GPR89A: variants seen among roughly 807,000 people sequenced by gnomAD.
GPR89A encodes the protein golgi pH regulator A.
A neutral mutation model predicts 52.0 loss-of-function variants in GPR89A; 16 were observed. The ratio of observed to expected loss-of-function variants is 0.31; its 90% CI spans 0.21 to 0.47. The LOEUF is 0.47. Among genes scored for constraint, GPR89A ranks in the 20% least tolerant of loss-of-function variants. GPR89A has a pLI of 1.00. For synonymous variants in GPR89A, 55 were observed against 150.9 expected, an observed-to-expected ratio of 0.36 and a Z score of 4.66; for missense variants, 135 against 449.4, an observed-to-expected ratio of 0.30 and a Z score of 6.33.
chr1:145,625,205 A>G (rs1649410993), intron 5 of GPR89A, among the ~76,000 whole-genome samples: 2 of 151,884 alleles, frequency 1.3e-5, no homozygotes, highest in Non-Finnish European at 2.9e-5. Context: ...AAATAACGTT[A>G]AAGGCCGGAA....
At chr1:145,615,592 A>C (rs1164508062) in intron 1 of GPR89A, among the ~76,000 whole-genome samples, 1 of 140,086 alleles carries the variant, frequency 7.1e-6, no homozygotes, top group Non-Finnish European at 1.5e-5. Context: ...ACTTGCAATC[A>C]GGGATCATCC....
intron 1 of GPR89A, 68 bp downstream of exon 1, chr1:145,608,243 C>G: frequency 3.1e-6 from 5 of 1,598,248 alleles, no homozygotes; most frequent in Non-Finnish European, 4.3e-6. Flanking sequence ...TCCGGTCCTC[C>G]GCGGTGCGGG....
intron 7 of GPR89A, among the ~76,000 whole-genome samples, chr1:145,634,687 A>G (rs1453781549): frequency 4.7e-5 from 7 of 150,452 alleles, no homozygotes; most frequent in Non-Finnish European, 1.0e-4. Flanking sequence ...CTCATTTGTA[A>G]AATAGAGGTA....
intron 10 of GPR89A, among the ~76,000 whole-genome samples, chr1:145,662,620 C>T (rs1305591033): frequency 7.9e-5 from 12 of 152,060 alleles, no homozygotes; most frequent in Non-Finnish European, 1.2e-4. Flanking sequence ...CTAACCACTG[C>T]CTGCCTTTGG....
At chr1:145,659,294 C>T (rs1553695068) in intron 10 of GPR89A, among the ~76,000 whole-genome samples, 2 of 152,042 alleles carry the variant, frequency 1.3e-5, no homozygotes, top group Non-Finnish European at 2.9e-5. Context: ...AAGCAATTCT[C>T]CTGCCTCAGC....
At chr1:145,646,055 T>G (rs1650965411) in intron 8 of GPR89A, 129 bp from the exon 9 acceptor site, 3 of 1,433,992 alleles carry the variant, frequency 2.1e-6, no homozygotes, top group Non-Finnish European at 2.9e-6. Flanking sequence ...CTGCTGGCTA[T>G]GAAACAGGAA....
intron 1 of GPR89A, chr1:145,608,496 C>G (rs2101714236): frequency 2.8e-6 from 2 of 702,824 alleles, no homozygotes; most frequent in South Asian, 1.8e-5. Flanking sequence ...AGGAGCTCCT[C>G]GAAGCTTCCG....
At chr1:145,626,401 G>A (rs1297741490) in intron 5 of GPR89A, among the ~76,000 whole-genome samples, 8 of 151,792 alleles carry the variant, frequency 5.3e-5, no homozygotes, top group African/African-American at 1.7e-4. Flanking sequence ...AATTCTATGG[G>A]ATTACCCTGA....
chr1:145,646,937 T>G (rs1553692642), intron 9 of GPR89A: 1 of 596,652 alleles, frequency 1.7e-6, no homozygotes, highest in Non-Finnish European at 2.8e-6. Flanking sequence ...AGAACGTATC[T>G]CATAAGAATT....
chr1:145,620,948 C>G (rs1374667021), intron 3 of GPR89A, among the ~76,000 whole-genome samples: 1 of 152,210 alleles, frequency 6.6e-6, no homozygotes, highest in Non-Finnish European at 1.5e-5. Flanking sequence ...CAAAATCTTT[C>G]AGAAGCTTAG....
At chr1:145,616,122 C>T (rs1208630784) in intron 1 of GPR89A, 112 bp from the exon 2 acceptor site, 1 of 689,820 alleles carries the variant, frequency 1.4e-6, no homozygotes, top group Non-Finnish European at 2.5e-6. Flanking sequence ...TATCTTTAAT[C>T]CCTGAAATAA....
intron 7 of GPR89A, among the ~76,000 whole-genome samples, chr1:145,636,672 T>G (rs1429488035): frequency 6.6e-6 from 1 of 152,096 alleles, no homozygotes; most frequent in Non-Finnish European, 1.5e-5. Context: ...AGAGGAAACT[T>G]CCAGAAATGA....
Position 145,617,156 on chromosome 1 carries a change from C to G in GPR89A, c.102+863C>G, listed in dbSNP as rs587740518. Among the ~76,000 whole-genome samples, 7 of 152,154 alleles carry G rather than the reference C, an allele frequency of 4.6e-5. No homozygotes were observed. The South Asian group carries it at 1.5e-3, about 32-fold the overall frequency. The stretch of plus-strand genomic sequence containing the variant: ...TCTCAACCGCATAAGACAGACACTC[C>G]CAGAGCGGCCATTCATAGACCTCTC... On this transcript the variant is annotated intron_variant, in intron 2 of 13. Coordinates refer to ENST00000313835, the MANE Select transcript of GPR89A (RefSeq NM_001097612.2).
chr1:145,610,216 C>T (rs1169314786), intron 1 of GPR89A, among the ~76,000 whole-genome samples: 6 of 151,902 alleles, frequency 3.9e-5, no homozygotes, highest in Non-Finnish European at 7.4e-5. Context: ...CTGCGCCCCT[C>T]CCTGCTCATT....
At chr1:145,658,116 A>G (rs1651936387) in intron 10 of GPR89A, among the ~76,000 whole-genome samples, 2 of 151,840 alleles carry the variant, frequency 1.3e-5, no homozygotes. Flanking sequence ...ATGGAATCAC[A>G]TAATTTATAT....
intron 10 of GPR89A, among the ~76,000 whole-genome samples, chr1:145,656,895 G>GA (rs1651842596): frequency 6.6e-6 from 1 of 151,870 alleles, no homozygotes; most frequent in Non-Finnish European, 1.5e-5. Flanking sequence ...TGTTAATCAT[G>GA]AAAAGGTGTT....
At chr1:145,612,949 C>G (rs1173658310) in intron 1 of GPR89A, among the ~76,000 whole-genome samples, 1 of 152,174 alleles carries the variant, frequency 6.6e-6, no homozygotes, top group Non-Finnish European at 1.5e-5. Context: ...CTCTACCTCA[C>G]TATTCAAAAT....
intron 7 of GPR89A, among the ~76,000 whole-genome samples, chr1:145,639,863 G>C (rs1433024282): frequency 4.0e-5 from 6 of 151,810 alleles, no homozygotes; most frequent in African/African-American, 1.5e-4. Flanking sequence ...AATGGTGCTA[G>C]AGCAATTAGG....
chr1:145,639,088 A>G (rs1476468496), intron 7 of GPR89A, among the ~76,000 whole-genome samples: 3 of 151,526 alleles, frequency 2.0e-5, no homozygotes, highest in Non-Finnish European at 4.4e-5. Context: ...CTAACAAAAC[A>G]TGTATATAGG....
Sources: allele counts gnomAD v4.1 joint callset (sites outside exome capture counted in the v4.1 genomes callset), GRCh38; gene constraint gnomAD v4.1.1; transcripts MANE v1.5; gene names NCBI Gene and HGNC (gene_info 2026-07-23, HGNC 2026-07-21).